SH3BGRL: variants seen among roughly 807,000 people sequenced by gnomAD.
SH3BGRL encodes SH3 domain binding glutamate rich protein like.
Under a neutral mutation model 9.8 loss-of-function variants are expected in SH3BGRL, and 7 were observed. The ratio of observed to expected loss-of-function variants is 0.72; its 90% confidence interval spans 0.41 to 1.35. The LOEUF (loss-of-function observed/expected upper bound fraction) is 1.35, where lower values mean the gene tolerates loss of function less well. Ranked by LOEUF, SH3BGRL falls within the 40% of genes most tolerant of loss-of-function variation. The pLI is 0.01. For synonymous variants in SH3BGRL, 36 were observed against 29.1 expected, an observed-to-expected ratio of 1.24 and a Z score of -0.76; for missense variants, 73 against 84.4, an observed-to-expected ratio of 0.86 and a Z score of 0.53.
intron 3 of SH3BGRL, among the ~76,000 whole-genome samples, chrX:81,287,980 A>G (rs972606088): frequency 9.1e-6 from 1 of 110,062 alleles, no homozygotes; most frequent in African/African-American, 3.3e-5. Context: ...AAAGAAAGAA[A>G]GAGAAAGAAA....
intron 1 of SH3BGRL, among the ~76,000 whole-genome samples, chrX:81,218,840 A>G (rs1164070802): frequency 9.5e-6 from 1 of 105,334 alleles, no homozygotes; most frequent in African/African-American, 3.6e-5. Flanking sequence ...TCCCAATTTG[A>G]AATGAAGAAG....
chrX:81,294,434 C>G (rs745813823), intron 3 of SH3BGRL, among the ~76,000 whole-genome samples: 8 of 110,622 alleles, frequency 7.2e-5, no homozygotes, highest in African/African-American at 2.6e-4. Flanking sequence ...GGCACAAGCC[C>G]CAAGCCCTGG....
chrX:81,268,222 A>T (rs1367202673), intron 1 of SH3BGRL, among the ~76,000 whole-genome samples: 2 of 109,933 alleles, frequency 1.8e-5, no homozygotes, highest in Non-Finnish European at 3.8e-5. Flanking sequence ...TATCTCCTTC[A>T]GTTCTGCTCT....
At chrX:81,229,588 C>T (rs1346121260) in intron 1 of SH3BGRL, among the ~76,000 whole-genome samples, 1 of 111,437 alleles carries the variant, frequency 9.0e-6, no homozygotes, top group Non-Finnish European at 1.9e-5. Flanking sequence ...TCAGGCTGCT[C>T]AGTGGCCGGG....
intron 1 of SH3BGRL, among the ~76,000 whole-genome samples, chrX:81,270,070 T>C (rs1223212637): frequency 9.0e-6 from 1 of 110,613 alleles, no homozygotes; most frequent in African/African-American, 3.3e-5. Context: ...CAGCTCCATC[T>C]GGTCATTTAA....
intron 3 of SH3BGRL, among the ~76,000 whole-genome samples, chrX:81,289,289 T>G (rs1242883090): frequency 1.8e-5 from 2 of 111,822 alleles, no homozygotes; most frequent in Non-Finnish European, 3.8e-5. Context: ...AATGAAGACT[T>G]AAATCTAATA....
intron 1 of SH3BGRL, among the ~76,000 whole-genome samples, chrX:81,222,743 G>A (rs185408949): frequency 1.3e-4 from 14 of 111,409 alleles, no homozygotes; most frequent in Admixed American, 9.5e-4. Context: ...CTGAGGAATC[G>A]CCACACTGAC....
rs144555342 is a variant in SH3BGRL at position 81,286,747 on chromosome X, C to T, written c.312+8336C>T. Reference sequence around the variant, plus strand: ...AGGATTATCTGATTTAAAACCAGTGCCTTTATGGAATGATGTTTACATTGG... The same window carrying T: ...AGGATTATCTGATTTAAAACCAGTGTCTTTATGGAATGATGTTTACATTGG... On this transcript the variant is annotated intron_variant, in intron 3 of 3. Coordinates refer to ENST00000373212, the MANE Select transcript of SH3BGRL (RefSeq NM_003022.3). Among the ~76,000 whole-genome samples, 954 of 110,350 alleles carry T rather than the reference C, an allele frequency of 8.6e-3. 4 individuals carry two copies. Among genetic ancestry groups the T allele is most frequent in the Middle Eastern group, 0.028 (6 of 213 alleles).
At chrX:81,242,465 T>C (rs1365461690) in intron 1 of SH3BGRL, among the ~76,000 whole-genome samples, 1 of 112,162 alleles carries the variant, frequency 8.9e-6, no homozygotes, top group Non-Finnish European at 1.9e-5. Flanking sequence ...TACAAGACAC[T>C]ACTACAAGAA....
chrX:81,269,429 C>A (rs1490891261), intron 1 of SH3BGRL, among the ~76,000 whole-genome samples: 2 of 111,774 alleles, frequency 1.8e-5, no homozygotes, highest in Admixed American at 1.9e-4. Context: ...CAAAATCTCT[C>A]AGCATTTGCT....
At chrX:81,204,003 T>C (rs1408005015) in intron 1 of SH3BGRL, among the ~76,000 whole-genome samples, 1 of 111,150 alleles carries the variant, frequency 9.0e-6, no homozygotes, top group Non-Finnish European at 1.9e-5. Flanking sequence ...GTAGTGGGCG[T>C]AGTACCCAAT....
At chrX:81,230,101 T>G (rs1007727708) in intron 1 of SH3BGRL, among the ~76,000 whole-genome samples, 1 of 111,815 alleles carries the variant, frequency 8.9e-6, no homozygotes. Flanking sequence ...AACTCAAAAA[T>G]GACTATACAT....
chrX:81,291,725 T>G (rs1025737962), intron 3 of SH3BGRL, among the ~76,000 whole-genome samples: 1 of 112,154 alleles, frequency 8.9e-6, no homozygotes, highest in Non-Finnish European at 1.9e-5. Flanking sequence ...TAAAAAGAAG[T>G]TAGTTACTTC....
intron 2 of SH3BGRL, among the ~76,000 whole-genome samples, chrX:81,277,985 G>A (rs905192220): frequency 9.0e-6 from 1 of 111,646 alleles, no homozygotes; most frequent in African/African-American, 3.3e-5. Flanking sequence ...TTCTTGAGAT[G>A]GAGTTTCCCT....
intron 1 of SH3BGRL, among the ~76,000 whole-genome samples, chrX:81,242,287 C>A (rs1449906504): frequency 8.9e-6 from 1 of 111,950 alleles, no homozygotes; most frequent in Non-Finnish European, 1.9e-5. Context: ...TCATTTTTGA[C>A]AAAACTGCCA....
At chrX:81,221,258 T>A (rs1401324090) in intron 1 of SH3BGRL, among the ~76,000 whole-genome samples, 3 of 111,909 alleles carry the variant, frequency 2.7e-5, no homozygotes, top group East Asian at 5.6e-4. Flanking sequence ...TTTATTTCTT[T>A]AGCTCTAATA....
At chrX:81,224,307 G>A (rs1392271074) in intron 1 of SH3BGRL, among the ~76,000 whole-genome samples, 1 of 111,156 alleles carries the variant, frequency 9.0e-6, no homozygotes, top group African/African-American at 3.3e-5. Flanking sequence ...GGGGCGTAAA[G>A]GGCCTTAGGG....
chrX:81,266,056 T>C (rs2075756142), intron 1 of SH3BGRL, among the ~76,000 whole-genome samples: 1 of 112,375 alleles, frequency 8.9e-6, no homozygotes, highest in East Asian at 2.8e-4. Flanking sequence ...TTTGCTTTTT[T>C]CTTGTAAATT....
intron 1 of SH3BGRL, among the ~76,000 whole-genome samples, chrX:81,205,518 A>C (rs2075544765): frequency 9.5e-6 from 1 of 104,830 alleles, no homozygotes; most frequent in Non-Finnish European, 1.9e-5. Context: ...ATATATATAT[A>C]TATATATATA....
Sources: gnomAD v4.1 joint callset for allele counts (sites outside exome capture counted in the v4.1 genomes callset) on GRCh38, gnomAD v4.1.1 for gene constraint, MANE v1.5 for transcripts, NCBI Gene and HGNC (gene_info 2026-07-23, HGNC 2026-07-21) for gene names.